F8: variants seen among roughly 807,000 people sequenced by gnomAD.
F8 encodes the protein antihemophilic factor.
F8 carries 12 observed loss-of-function variants against 140.6 expected under a neutral mutation model. The ratio of observed to expected loss-of-function variants is 0.09; its 90% CI spans 0.05 to 0.14. The LOEUF is 0.14. Ranked by LOEUF, F8 falls within the 10% of genes least tolerant of loss-of-function variation. F8 has a pLI of 1.00. For synonymous variants in F8, 585 were observed against 614.6 expected, an observed-to-expected ratio of 0.95 and a Z score of 0.71; for missense variants, 1,354 against 1,720.7, an observed-to-expected ratio of 0.79 and a Z score of 3.77.
chrX:154,986,779 C>T (rs1259316903), intron 5 of F8, among the ~76,000 whole-genome samples: 2 of 110,964 alleles, frequency 1.8e-5, no homozygotes, highest in African/African-American at 3.3e-5. Flanking sequence ...GAGGAAGAGG[C>T]GGAGGTACTA....
intron 11 of F8, among the ~76,000 whole-genome samples, chrX:154,955,165 CTTTTTTTTT>C (rs1185466045): frequency 3.0e-4 from 11 of 36,076 alleles, no homozygotes; most frequent in African/African-American, 1.1e-3. Context: ...ATTTATTAAG[CTTTTTTTTT>C]TTTTTTTTTT....
intron 25 of F8, among the ~76,000 whole-genome samples, chrX:154,859,607 T>A (rs782458840): frequency 6.4e-4 from 71 of 111,593 alleles, no homozygotes; most frequent in Admixed American, 2.3e-3. Context: ...CGGCCTTCAC[T>A]TAGCATATTT....
chrX:155,021,170 G>A (rs1569560111), intron 1 of F8, among the ~76,000 whole-genome samples: 1 of 111,730 alleles, frequency 9.0e-6, no homozygotes, highest in Non-Finnish European at 1.9e-5. Context: ...TGAGAAATGT[G>A]TGTATAATGT....
At chrX:155,021,476 A>G (rs1170953618) in intron 1 of F8, among the ~76,000 whole-genome samples, 1 of 112,162 alleles carries the variant, frequency 8.9e-6, no homozygotes, top group Non-Finnish European at 1.9e-5. Context: ...CTCAAGAAGC[A>G]AAAATCTAAC....
chrX:154,988,021 A>G (rs1557284395), intron 4 of F8, among the ~76,000 whole-genome samples: 1 of 112,220 alleles, frequency 8.9e-6, no homozygotes, highest in Non-Finnish European at 1.9e-5. Flanking sequence ...AGAAAGCAAC[A>G]GTACGTGTGC....
chrX:154,935,157 T>C, intron 13 of F8, among the ~76,000 whole-genome samples: 1 of 110,295 alleles, frequency 9.1e-6, no homozygotes, highest in Middle Eastern at 4.6e-3. Context: ...TGAGACCCTG[T>C]CTCACAAAAA....
intron 10 of F8, among the ~76,000 whole-genome samples, chrX:154,959,385 CA>C (rs201851580): frequency 3.0e-5 from 3 of 100,783 alleles, no homozygotes; most frequent in Non-Finnish European, 4.1e-5. Flanking sequence ...GACGCTGTCT[CA>C]AAAAAAAAAT....
chrX:154,925,993 G>T (rs1235089933), intron 14 of F8, among the ~76,000 whole-genome samples: 2 of 112,042 alleles, frequency 1.8e-5, no homozygotes, highest in Non-Finnish European at 3.8e-5. Context: ...CTGTGGGAGG[G>T]ACCTGATAGG....
At chrX:154,961,049 G>A (rs2073392800) in intron 10 of F8, 26 bp downstream of exon 10, 2 of 987,582 alleles carry the variant, frequency 2.0e-6, no homozygotes, top group East Asian at 3.0e-5. Flanking sequence ...AGGTAAAAAA[G>A]AGCTATAAAT....
intron 22 of F8, among the ~76,000 whole-genome samples, chrX:154,873,411 A>G (rs782383503): frequency 3.6e-5 from 4 of 110,536 alleles, no homozygotes; most frequent in Non-Finnish European, 7.6e-5. Flanking sequence ...TTTTTTCAGT[A>G]GAGACGGGGT....
intron 6 of F8, among the ~76,000 whole-genome samples, chrX:154,978,867 T>C (rs781828638): frequency 9.0e-6 from 1 of 111,502 alleles, no homozygotes; most frequent in East Asian, 2.8e-4. Context: ...TCAGTGATAT[T>C]TGTGATTTTC....
chrX:154,933,876 T>C (rs782123681), intron 13 of F8, among the ~76,000 whole-genome samples: 14 of 111,670 alleles, frequency 1.3e-4, no homozygotes, highest in Non-Finnish European at 2.3e-4. Context: ...CTGGATGAAA[T>C]AGAAAAGAAT....
At chrX:154,843,741 G>A (rs1557271494) in intron 25 of F8, among the ~76,000 whole-genome samples, 1 of 111,755 alleles carries the variant, frequency 8.9e-6, no homozygotes, top group Non-Finnish European at 1.9e-5. Context: ...TTTGTAGCTC[G>A]CCTGTTCACT....
intron 4 of F8, among the ~76,000 whole-genome samples, chrX:154,988,557 A>T (rs1015228457): frequency 3.6e-5 from 4 of 112,039 alleles, no homozygotes; most frequent in African/African-American, 6.5e-5. Context: ...GTTGAACTAT[A>T]GTGATCTTTG....
At chrX:154,890,179 GTA>G (rs1389652327) in intron 22 of F8, among the ~76,000 whole-genome samples, 2 of 93,735 alleles carry the variant, frequency 2.1e-5, no homozygotes, top group African/African-American at 8.4e-5. Context: ...TTGTTTCTTT[GTA>G]TGTTTGTCTT....
intron 13 of F8, among the ~76,000 whole-genome samples, chrX:154,939,718 T>G (rs1308113366): frequency 8.9e-6 from 1 of 112,354 alleles, no homozygotes; most frequent in Non-Finnish European, 1.9e-5. Flanking sequence ...GACTGCCTCC[T>G]CAAGTGGGTC....
chrX:154,982,549 C>A (rs373591094), intron 6 of F8, among the ~76,000 whole-genome samples: 142 of 107,686 alleles, frequency 1.3e-3, no homozygotes, highest in African/African-American at 4.6e-3. Context: ...ATAAAATATA[C>A]AAAAATCTAT....
chrX:154,843,243 C>T (rs1261265948), intron 25 of F8, among the ~76,000 whole-genome samples: 6 of 111,373 alleles, frequency 5.4e-5, no homozygotes, highest in East Asian at 5.6e-4. Context: ...TGAATAGTGC[C>T]GCAATAAACA....
At chrX:154,847,698 T>C (rs897850345) in intron 25 of F8, among the ~76,000 whole-genome samples, 10 of 112,302 alleles carry the variant, frequency 8.9e-5, no homozygotes, top group Admixed American at 6.6e-4. Context: ...ACCTTTTTTT[T>C]CAAGGTTTTT....
Sources: gnomAD v4.1 joint callset for allele counts (sites outside exome capture counted in the v4.1 genomes callset) on GRCh38, gnomAD v4.1.1 for gene constraint, MANE v1.5 for transcripts, NCBI Gene and HGNC (gene_info 2026-07-23, HGNC 2026-07-21) for gene names.